The following ESD variants were observed in gnomAD, a reference collection of about 807,000 sequenced individuals.
ESD encodes the protein S-formylglutathione hydrolase.
ESD carries 34 observed loss-of-function variants against 38.1 expected under a neutral mutation model. The observed-to-expected ratio is 0.89, with a 90% CI of 0.68 to 1.19. The LOEUF (loss-of-function observed/expected upper bound fraction) is 1.19, where lower values mean the gene tolerates loss of function less well. Ranked by LOEUF, ESD falls within the 50% of genes most tolerant of loss-of-function variation. ESD has a pLI of 0.00. For synonymous variants in ESD, 97 were observed against 107.0 expected (o/e 0.91, Z 0.58); for missense variants, 334 against 327.2 (o/e 1.02, Z -0.16).
Position 46,771,359 on chromosome 13 carries a change from A to T in ESD, c.*57T>A. 1 of 1,155,628 alleles carries T rather than the reference A, an allele frequency of 8.7e-7. No homozygotes were observed. Among genetic ancestry groups the T allele is most frequent in the Non-Finnish European group, 1.2e-6 (1 of 800,748 alleles). The allele number at this position is 1,155,628 out of a possible 1,614,324, so 71.6% of individuals were successfully genotyped here. Reference sequence around the variant, plus strand: ...ATTTTTTTTTTTTTTGCTCAGCAATACAGTTGCATTTTACAACTTTTATAA... The same window carrying T: ...ATTTTTTTTTTTTTTGCTCAGCAATTCAGTTGCATTTTACAACTTTTATAA... On this transcript the variant is annotated 3_prime_UTR_variant, in exon 10 of 10. Coordinates refer to ENST00000378720, the MANE Select transcript of ESD (RefSeq NM_001984.2).
intron 3 of ESD, among the ~76,000 whole-genome samples, chr13:46,790,976 A>G (rs1875376095): frequency 6.6e-6 from 1 of 152,200 alleles, no homozygotes; most frequent in Non-Finnish European, 1.5e-5. Flanking sequence ...TTTTGGAGGC[A>G]GCGGAAGCAA....
rs1875054557 is a variant in ESD at position 46,782,782 on chromosome 13, T to C, written c.266A>G (p.Asn89Ser). 5 of 1,611,978 alleles carry C rather than the reference T, an allele frequency of 3.1e-6. No individual in the cohort carries two copies. Among genetic ancestry groups the C allele is most frequent in the Non-Finnish European group, 4.2e-6 (5 of 1,178,702 alleles). ...IAPDTSPRGC[N>S]IKGEDESWDF... ...CCAGCTCTCATCTTCACCTTTAATA[T>C]TGCAGCCACCTATCAAGAAACAATC... The change falls in exon 6 of 10, where the codon AAT becomes AGT. Residue 89 changes from asparagine to serine, a missense_variant. By Grantham distance (46) the Asn-to-Ser change is conservative. Transcript: ENST00000378720.
intron 1 of ESD, among the ~76,000 whole-genome samples, chr13:46,794,332 CCTTT>C (rs1875503238): frequency 6.6e-6 from 1 of 151,968 alleles, no homozygotes; most frequent in Non-Finnish European, 1.5e-5. Flanking sequence ...ACTGTTCTTC[CCTTT>C]ATTTTTTATT....
rs776408392 is a variant in ESD, at chr13:46,791,327, A to G, written c.68+19T>C. ...CCAACAGAATGAGGTATCTAAAATT[A>G]TATCTTCTTAATAGTTACCTGTCAT... On this transcript the variant is annotated intron_variant, in intron 3 of 9. Coordinates refer to ENST00000378720, the MANE Select transcript of ESD (RefSeq NM_001984.2). 31 of 1,582,892 alleles carry G rather than the reference A, an allele frequency of 2.0e-5. No individual in the cohort carries two copies. The highest frequency in any genetic ancestry group is 4.5e-5 in the South Asian group (4 of 88,632).
At chr13:46,782,837 C>T in intron 5 of ESD, 46 bp from the exon 6 acceptor site, 1 of 1,598,856 alleles carries the variant, frequency 6.3e-7, no homozygotes, top group Non-Finnish European at 8.5e-7. Context: ...GTAGTAATGG[C>T]CCATGTTTAA....
intron 3 of ESD, among the ~76,000 whole-genome samples, chr13:46,788,285 T>A (rs1340735955): frequency 6.6e-6 from 1 of 152,076 alleles, no homozygotes; most frequent in African/African-American, 2.4e-5. Context: ...TCTCTGCATA[T>A]TGGTGATTTT....
chr13:46,777,513 A>G lies in ESD; in HGVS notation c.711T>C (p.Asp237=), dbSNP rs1326132905. The change falls in exon 9 of 10, where the codon GAT becomes GAC. Residue 237 remains aspartate, a synonymous_variant. Coordinates refer to ENST00000378720, the MANE Select transcript of ESD (RefSeq NM_001984.2). Reference sequence around the variant, plus strand: ...TTTCTGTACAGGCAGCTATGAAGTTATCAGGGAGTAACTGTCCATCTAAAA... The same window carrying G: ...TTTCTGTACAGGCAGCTATGAAGTTGTCAGGGAGTAACTGTCCATCTAAAA... ...QFLLDGQLLP[D]NFIAACTEKK... is the part of the protein sequence containing the mutation. 1 of 1,611,374 alleles carries G rather than the reference A, an allele frequency of 6.2e-7. No homozygotes were observed. The highest frequency in any genetic ancestry group is 2.2e-5 in the East Asian group (1 of 44,770).
At chr13:46,779,867 A>G (rs1006084711) in intron 8 of ESD, 68 bp downstream of exon 8, 2 of 1,222,658 alleles carry the variant, frequency 1.6e-6, no homozygotes, top group Admixed American at 2.0e-5. Context: ...GGAATATAAT[A>G]TATGTCCAAC....
At chr13:46,788,596 A>ACT (rs747446518) in intron 3 of ESD, among the ~76,000 whole-genome samples, 1 of 150,364 alleles carries the variant, frequency 6.7e-6, no homozygotes, top group African/African-American at 2.4e-5. Flanking sequence ...TTAAAAGAGG[A>ACT]CCTTTCTCAA....
chr13:46,789,036 G>C (rs7325977), intron 3 of ESD, among the ~76,000 whole-genome samples: 154 of 152,282 alleles, frequency 1.0e-3, no homozygotes, highest in African/African-American at 3.7e-3. Flanking sequence ...AATGTGGCTA[G>C]TGGGACTGAA....
At chr13:46,779,906 G>A in intron 8 of ESD, 29 bp downstream of exon 8, 4 of 1,498,778 alleles carry the variant, frequency 2.7e-6, no homozygotes, top group Non-Finnish European at 3.7e-6. Flanking sequence ...ACTTAAGAAT[G>A]AGTATTAAGA....
At chr13:46,781,223 A>G (rs1013061774) in intron 7 of ESD, among the ~76,000 whole-genome samples, 1 of 151,768 alleles carries the variant, frequency 6.6e-6, no homozygotes, top group Non-Finnish European at 1.5e-5. Context: ...TCAAAACTAT[A>G]GTTGGAATAA....
intron 2 of ESD, among the ~76,000 whole-genome samples, chr13:46,792,992 C>T (rs7317272): frequency 0.013 from 2,015 of 152,072 alleles, 43 homozygotes; most frequent in African/African-American, 0.046. Flanking sequence ...CTTTGCTATT[C>T]GTCTATTTTA....
chr13:46,796,582 C>G (rs188670427), intron 1 of ESD, among the ~76,000 whole-genome samples: 61 of 152,280 alleles, frequency 4.0e-4, no homozygotes, highest in African/African-American at 1.4e-3. Flanking sequence ...TTGTCAAACT[C>G]CAAAGACACG....
At chr13:46,784,902 G>C (rs954420134) in intron 4 of ESD, among the ~76,000 whole-genome samples, 7 of 151,944 alleles carry the variant, frequency 4.6e-5, no homozygotes, top group African/African-American at 1.4e-4. Context: ...TGGTGCATAA[G>C]CCCAATATTA....
Position 46,771,358 on chromosome 13 carries a change from T to C in ESD, c.*58A>G. The C allele has an allele frequency of 1.9e-6, 2 of 1,031,334 alleles. No individual in the cohort carries two copies. The highest frequency in any genetic ancestry group is 2.9e-6 in the Non-Finnish European group (2 of 696,362). The allele number at this position is 1,031,334 out of a possible 1,614,324, so 63.9% of individuals were successfully genotyped here. A position where few individuals can be genotyped will look rare whatever the true frequency, so the allele number is the denominator to read the frequency against. ...AATTTTTTTTTTTTTTGCTCAGCAA[T>C]ACAGTTGCATTTTACAACTTTTATA... is the stretch of plus-strand genomic sequence containing the variant. On this transcript the variant is annotated 3_prime_UTR_variant, in exon 10 of 10. Transcript: ENST00000378720.
chr13:46,781,741 A>G lies in ESD; in HGVS notation c.382-126T>C, dbSNP rs554567010. The G allele has an allele frequency of 1.7e-5, 14 of 812,400 alleles. 1 individual carries two copies. In the East Asian group the frequency reaches 3.6e-4, roughly 21 times the overall value. The allele number at this position is 812,400 out of a possible 1,614,324, so 50.3% of individuals were successfully genotyped here. On this transcript the variant is annotated intron_variant, in intron 6 of 9. Transcript: ENST00000378720. The stretch of plus-strand genomic sequence containing the variant: ...TAGTCTTACAATGGTTTGAACTAGT[A>G]ACAATGAAAACAAAACAAAACTAAA...
chr13:46,774,106 A>T (rs899490051), intron 9 of ESD, among the ~76,000 whole-genome samples: 3 of 152,150 alleles, frequency 2.0e-5, no homozygotes, highest in African/African-American at 7.2e-5. Context: ...CCATATTTTT[A>T]TCCTTAGTTT....
intron 4 of ESD, among the ~76,000 whole-genome samples, chr13:46,786,520 A>T (rs905311827): frequency 1.3e-5 from 2 of 152,050 alleles, no homozygotes; most frequent in Admixed American, 1.3e-4. Flanking sequence ...AATATGAAAC[A>T]CTGATTAAGA....
Sources: allele counts gnomAD v4.1 joint callset (sites outside exome capture counted in the v4.1 genomes callset), GRCh38; gene constraint gnomAD v4.1.1; transcripts MANE v1.5; gene names NCBI Gene and HGNC (gene_info 2026-07-23, HGNC 2026-07-21).